The following DNM3 variants were observed in gnomAD, a reference collection of about 807,000 sequenced individuals.
DNM3 encodes dynamin 3.
In DNM3, 47 loss-of-function variants were observed where a neutral mutation model predicts 101.6. The observed-to-expected ratio is 0.46, with a 90% CI of 0.37 to 0.59. The LOEUF is 0.59. Among genes scored for constraint, DNM3 ranks in the 20% least tolerant of loss-of-function variants. The probability of loss-of-function intolerance (pLI) is 0.00; values close to 1 mark genes in which losing one functional copy is unlikely to be tolerated. For synonymous variants in DNM3, 385 were observed against 387.9 expected (o/e 0.99, Z 0.09); for missense variants, 849 against 1,085.7 (o/e 0.78, Z 3.06).
At position 172,070,869 on chromosome 1, in the gene DNM3, C is replaced by T. The variant is rs549223170; in HGVS notation, c.1422+1964C>T. 5.9e-5 allele frequency among the ~76,000 whole-genome samples: 9 copies of T among 151,756 alleles called. No individual in the cohort carries two copies. In the East Asian group the frequency reaches 1.8e-3, roughly 30 times the overall value. On this transcript the variant is annotated intron_variant, in intron 11 of 20. Transcript: ENST00000627582. Reference sequence around the variant, plus strand: ...TTGGGAGGCTGAGGCAGGCAGATTGCTTGAGGTCAGGAGTTCGAGACCAGG... The same window carrying T: ...TTGGGAGGCTGAGGCAGGCAGATTGTTTGAGGTCAGGAGTTCGAGACCAGG...
rs1390684504 is a variant in DNM3 at position 172,410,409 on chromosome 1, T to C, written c.*2568T>C. The C allele has an allele frequency of 1.0e-6, 1 of 984,142 alleles. No homozygotes were observed. The highest frequency in any genetic ancestry group is 1.2e-6 in the Non-Finnish European group (1 of 828,890). The allele number at this position is 984,142 out of a possible 1,614,324, so 61.0% of individuals were successfully genotyped here. ...GCTCTGATATTGTAAACACAATAGA[T>C]GTAGCTCTATCATGTCTAGCATAAT... is the stretch of plus-strand genomic sequence containing the variant. On this transcript the variant is annotated 3_prime_UTR_variant, in exon 21 of 21. Coordinates refer to ENST00000627582, the MANE Select transcript of DNM3 (RefSeq NM_015569.5).
intron 14 of DNM3, among the ~76,000 whole-genome samples, chr1:172,166,044 C>T (rs1363492718): frequency 6.6e-6 from 1 of 152,064 alleles, no homozygotes; most frequent in Non-Finnish European, 1.5e-5. Context: ...GATCCCATTG[C>T]ATCCTGTCCT....
rs755949799 is a variant in DNM3, at chr1:171,987,738, T to A, written c.318T>A (p.Asp106Glu). ...EVRLEIEAET[D>E]RVTGMNKGIS... ...GCCTTGAGATTGAAGCAGAAACAGA[T>A]CGCGTGACTGGAATGAATAAAGGCA... is the stretch of plus-strand genomic sequence containing the variant. Residue 106 changes from aspartate (D) to glutamate (E), a missense_variant, in exon 3 of 21, where the codon GAT becomes GAA. Around this residue, in one of 5 missense-constraint regions of DNM3, gnomAD observed 388 missense variants for 483.0 expected, o/e 0.80. Coordinates refer to ENST00000627582, the MANE Select transcript of DNM3 (RefSeq NM_015569.5). 3.7e-6 allele frequency: 6 copies of A among 1,605,128 alleles called. No individual in the cohort carries two copies. Among genetic ancestry groups the A allele is most frequent in the Non-Finnish European group, 5.1e-6 (6 of 1,176,722 alleles).
At chr1:172,404,147 G>A (rs2070712609) in intron 20 of DNM3, among the ~76,000 whole-genome samples, 1 of 152,074 alleles carries the variant, frequency 6.6e-6, no homozygotes. Context: ...TAATGACTAA[G>A]TACATATTTG....
At chr1:171,894,766 A>G (rs1435430016) in intron 1 of DNM3, among the ~76,000 whole-genome samples, 1 of 151,134 alleles carries the variant, frequency 6.6e-6, no homozygotes, top group Non-Finnish European at 1.5e-5. Context: ...GCCCTGGTGT[A>G]TGATGTTCCC....
At chr1:171,987,302 C>G in intron 2 of DNM3, 3 of 985,274 alleles carry the variant, frequency 3.0e-6, no homozygotes, top group Non-Finnish European at 3.6e-6. Context: ...GCTAACAGAA[C>G]TCAGAGGTAT....
At chr1:171,841,958 G>T in intron 1 of DNM3, 141 bp downstream of exon 1, 1 of 346,542 alleles carries the variant, frequency 2.9e-6, no homozygotes, top group Non-Finnish European at 5.1e-6. Context: ...GGAATGGGGG[G>T]CAGAGTGGCG....
At chr1:172,175,235 T>C (rs946094164) in intron 14 of DNM3, among the ~76,000 whole-genome samples, 42 of 151,922 alleles carry the variant, frequency 2.8e-4, no homozygotes, top group African/African-American at 1.0e-3. Flanking sequence ...GCACACACAC[T>C]GGCTCTGAAT....
intron 2 of DNM3, among the ~76,000 whole-genome samples, chr1:171,969,163 G>A (rs570778117): frequency 6.6e-6 from 1 of 152,128 alleles, no homozygotes; most frequent in African/African-American, 2.4e-5. Context: ...GGTCATGGCT[G>A]ACACTCCTAT....
intron 16 of DNM3, among the ~76,000 whole-genome samples, chr1:172,318,233 A>G (rs1238381736): frequency 6.6e-6 from 1 of 152,212 alleles, no homozygotes; most frequent in Non-Finnish European, 1.5e-5. Flanking sequence ...GATGGGACGT[A>G]TCTCAAAATA....
At chr1:172,097,708 TG>T (rs2054338361) in intron 13 of DNM3, among the ~76,000 whole-genome samples, 1 of 152,294 alleles carries the variant, frequency 6.6e-6, no homozygotes, top group East Asian at 1.9e-4. Flanking sequence ...GTGGTTATCA[TG>T]GGAAATTCAG....
intron 13 of DNM3, among the ~76,000 whole-genome samples, chr1:172,110,026 A>C (rs1275164225): frequency 1.3e-5 from 2 of 152,308 alleles, no homozygotes; most frequent in East Asian, 3.9e-4. Context: ...AAACAAAAAA[A>C]ATTCTGAACC....
chr1:172,137,338 G>T (rs979790163), intron 14 of DNM3: 2 of 152,182 alleles, frequency 1.3e-5, no homozygotes, highest in African/African-American at 4.8e-5. Context: ...GCAAAAATCT[G>T]CATCGTGCAA....
rs138907772 is a variant in DNM3 at position 172,262,293 on chromosome 1, G to C, written c.1769+8611G>C. 7.9e-3 allele frequency among the ~76,000 whole-genome samples: 1,205 copies of C among 152,278 alleles called. 15 individuals are homozygous for C. The highest frequency in any genetic ancestry group is 0.027 in the African/African-American group (1,113 of 41,544). On this transcript the variant is annotated intron_variant, in intron 15 of 20. Coordinates refer to ENST00000627582, the MANE Select transcript of DNM3 (RefSeq NM_015569.5). ...TCTGCAGAGGGCCACAGGTAGGTATGATGGGCATGGGATCACTGTCTGTGG... is the reference window on the plus strand; with the variant it reads ...TCTGCAGAGGGCCACAGGTAGGTATCATGGGCATGGGATCACTGTCTGTGG...
chr1:172,373,429 G>A (rs548929951), intron 17 of DNM3, among the ~76,000 whole-genome samples: 2 of 152,012 alleles, frequency 1.3e-5, no homozygotes, highest in African/African-American at 4.8e-5. Context: ...TACACCTCAC[G>A]TAATACTTAC....
At chr1:172,298,174 C>A (rs554603900) in intron 15 of DNM3, among the ~76,000 whole-genome samples, 1 of 152,238 alleles carries the variant, frequency 6.6e-6, no homozygotes, top group South Asian at 2.1e-4. Context: ...TTATTTTCTT[C>A]TGTCTTCTGC....
chr1:171,866,548 G>A (rs2901601), intron 1 of DNM3, among the ~76,000 whole-genome samples: 63,012 of 151,822 alleles, frequency 0.42, 13,225 homozygotes, highest in Non-Finnish European at 0.43. Flanking sequence ...CAAAGATGAG[G>A]ATAATTATCC....
At chr1:172,025,275 T>C (rs543384053) in intron 4 of DNM3, among the ~76,000 whole-genome samples, 6 of 152,184 alleles carry the variant, frequency 3.9e-5, no homozygotes, top group Non-Finnish European at 8.8e-5. Flanking sequence ...GGGCAGGGCA[T>C]CTCTGAAAGA....
intron 12 of DNM3, among the ~76,000 whole-genome samples, chr1:172,084,858 T>G (rs1379765628): frequency 1.3e-5 from 2 of 152,158 alleles, no homozygotes; most frequent in African/African-American, 4.8e-5. Context: ...ACTTTACACA[T>G]GTAATTTTTT....
Sources: gnomAD v4.1 joint callset for allele counts (sites outside exome capture counted in the v4.1 genomes callset) on GRCh38, gnomAD v4.1.1 for gene constraint, gnomAD v4.1.1 regional missense constraint, MANE v1.5 for transcripts, NCBI Gene and HGNC (gene_info 2026-07-23, HGNC 2026-07-21) for gene names.